Variants in MBD5 observed in about 807,000 individuals in gnomAD.
MBD5 encodes the protein methyl-CpG-binding domain protein 5.
A neutral mutation model predicts 117.3 loss-of-function variants in MBD5; 13 were observed. That is an observed-to-expected ratio of 0.11 (90% CI 0.07 to 0.18). The LOEUF is 0.18. Among genes scored for constraint, MBD5 ranks in the 10% least tolerant of loss-of-function variants. The probability of loss-of-function intolerance (pLI) is 1.00; values close to 1 mark genes in which losing one functional copy is unlikely to be tolerated. For synonymous variants in MBD5, 727 were observed against 766.4 expected, an observed-to-expected ratio of 0.95 and a Z score of 0.85; for missense variants, 1,879 against 2,093.8, an observed-to-expected ratio of 0.90 and a Z score of 2.00.
rs2105636898 is a variant in MBD5, at chr2:148,469,761, A to G, written c.1818A>G (p.Gly606=). 6.2e-7 allele frequency: 1 copy of G among 1,614,020 alleles called. No individual in the cohort carries two copies. Among genetic ancestry groups the G allele is most frequent in the Middle Eastern group, 1.7e-4 (1 of 6,060 alleles). Residue 606 remains glycine (G), a synonymous_variant, in exon 8 of 14, where the codon GGA becomes GGG. Transcript: ENST00000642680. ...ACAGTAGCAGCAGTAGCAATTCTGG[A>G]GCTGTTGCCGGCAGTGGCAACACTG... The part of the protein sequence containing the change: ...GNNSSSSSNS[G]AVAGSGNTEG...
At chr2:148,441,978 T>C (rs1432956338) in intron 4 of MBD5, among the ~76,000 whole-genome samples, 1 of 152,178 alleles carries the variant, frequency 6.6e-6, no homozygotes. Flanking sequence ...GTAAATTTGT[T>C]TGAGTTCATT....
intron 1 of MBD5, among the ~76,000 whole-genome samples, chr2:148,169,096 A>G (rs73009259): frequency 0.053 from 7,996 of 151,960 alleles, 235 homozygotes; most frequent in African/African-American, 0.078. Flanking sequence ...AATTACCCCT[A>G]AAGTTAAAAT....
chr2:148,318,786 G>A (rs761434128), intron 3 of MBD5, among the ~76,000 whole-genome samples: 6 of 152,026 alleles, frequency 3.9e-5, no homozygotes, highest in African/African-American at 4.8e-5. Context: ...GTGCAATTTC[G>A]GCTCACTGCA....
intron 3 of MBD5, among the ~76,000 whole-genome samples, chr2:148,324,533 T>A (rs1702389066): frequency 6.6e-6 from 1 of 152,246 alleles, no homozygotes; most frequent in South Asian, 2.1e-4. Flanking sequence ...TTTGTAGTTC[T>A]TGAAGAGGTC....
intron 4 of MBD5, among the ~76,000 whole-genome samples, chr2:148,366,307 G>T (rs200419890): frequency 2.1e-5 from 1 of 46,896 alleles, no homozygotes; most frequent in Non-Finnish European, 4.6e-5. Context: ...CAATAAACTA[G>T]GTATTGATGG....
rs1706947327 is a variant in MBD5 at position 148,458,312 on chromosome 2, AG to A, written c.-445del. ...AAAGTTTAAAGAATGTGGCCTATAA[AG>A]GCGGGTACCTGGAAATATTAACCGA... On this transcript the variant is annotated 5_prime_UTR_variant, in exon 5 of 14. The change abolishes the stop of an existing upstream ORF in the 5' untranslated region. Coordinates refer to ENST00000642680, the MANE Select transcript of MBD5 (RefSeq NM_001378120.1). 1 of 411,218 alleles carries A rather than the reference AG, an allele frequency of 2.4e-6. No individual in the cohort carries two copies. Among genetic ancestry groups the A allele is most frequent in the Non-Finnish European group, 4.3e-6 (1 of 232,610 alleles). 25.5% of individuals were successfully genotyped at this position (411,218 alleles called of 1,614,324 possible).
chr2:148,400,592 G>A (rs948974920), intron 4 of MBD5, among the ~76,000 whole-genome samples: 7 of 152,008 alleles, frequency 4.6e-5, no homozygotes, highest in Non-Finnish European at 7.4e-5. Flanking sequence ...TTTTTATGTA[G>A]GAATTAAAGA....
chr2:148,163,789 T>C (rs910074801), intron 1 of MBD5, among the ~76,000 whole-genome samples: 2 of 152,124 alleles, frequency 1.3e-5, no homozygotes, highest in Non-Finnish European at 2.9e-5. Context: ...AAATGTTCAT[T>C]TTTTTCATGT....
At chr2:148,214,190 C>T (rs142326656) in intron 2 of MBD5, among the ~76,000 whole-genome samples, 266 of 152,248 alleles carry the variant, frequency 1.7e-3, no homozygotes, top group African/African-American at 5.9e-3. Context: ...ATTTTTTCTG[C>T]AAGAGGCCAG....
At chr2:148,126,725 C>T (rs1696905748) in intron 1 of MBD5, among the ~76,000 whole-genome samples, 1 of 151,992 alleles carries the variant, frequency 6.6e-6, no homozygotes, top group Non-Finnish European at 1.5e-5. Flanking sequence ...TCCCCCCTGG[C>T]TCTTTATTCT....
At chr2:148,360,154 G>A (rs1236712638) in intron 4 of MBD5, among the ~76,000 whole-genome samples, 1 of 152,036 alleles carries the variant, frequency 6.6e-6, no homozygotes, top group African/African-American at 2.4e-5. Flanking sequence ...TAATCAAAAT[G>A]TATTATAAAC....
chr2:148,203,530 A>G (rs1699196547), intron 2 of MBD5, among the ~76,000 whole-genome samples: 1 of 152,300 alleles, frequency 6.6e-6, no homozygotes, highest in African/African-American at 2.4e-5. Flanking sequence ...ATGACAGAAT[A>G]TAATGGTTTT....
intron 9 of MBD5, 129 bp from the exon 10 acceptor site, chr2:148,485,613 A>G (rs896798315): frequency 2.8e-6 from 2 of 719,236 alleles, no homozygotes; most frequent in Admixed American, 4.4e-5. Flanking sequence ...TTTGAGAAGT[A>G]AAAAAGAAAA....
At chr2:148,395,889 C>T (rs887240695) in intron 4 of MBD5, among the ~76,000 whole-genome samples, 3 of 152,126 alleles carry the variant, frequency 2.0e-5, no homozygotes, top group South Asian at 2.1e-4. Context: ...GAACAGGCTC[C>T]GGCAATCTCT....
chr2:148,102,698 G>T (rs1054073884), intron 1 of MBD5, among the ~76,000 whole-genome samples: 1 of 113,030 alleles, frequency 8.8e-6, no homozygotes, highest in Non-Finnish European at 1.8e-5. Flanking sequence ...GAGAGAGAGA[G>T]ATCACACACA....
chr2:148,155,081 A>C (rs954403049), intron 1 of MBD5, among the ~76,000 whole-genome samples: 2 of 152,254 alleles, frequency 1.3e-5, no homozygotes, highest in African/African-American at 4.8e-5. Flanking sequence ...AGACAAAGCA[A>C]ATAATTAAAA....
chr2:148,444,752 C>T lies in MBD5; in HGVS notation c.-556-13451C>T, dbSNP rs183716114. 1.1e-4 allele frequency among the ~76,000 whole-genome samples: 17 copies of T among 151,026 alleles called. 1 individual carries two copies. The highest frequency in any genetic ancestry group is 5.8e-4 in the East Asian group (3 of 5,174). On this transcript the variant is annotated intron_variant, in intron 4 of 13. Coordinates refer to ENST00000642680, the MANE Select transcript of MBD5 (RefSeq NM_001378120.1). ...ACTCTCTCTTCAAGCTTAATTAGCA[C>T]GCCATACTTAGCCCTATCATAACAA...
chr2:148,448,973 A>G (rs1164429320), intron 4 of MBD5, among the ~76,000 whole-genome samples: 1 of 152,074 alleles, frequency 6.6e-6, no homozygotes, highest in African/African-American at 2.4e-5. Flanking sequence ...ATTACAGAAA[A>G]GCAAAAAATA....
intron 12 of MBD5, among the ~76,000 whole-genome samples, chr2:148,504,220 A>C (rs1190596619): frequency 6.6e-6 from 1 of 152,256 alleles, no homozygotes; most frequent in East Asian, 1.9e-4. Flanking sequence ...TTGGAGAAGT[A>C]AAAGTAGAAA....
Sources: allele counts gnomAD v4.1 joint callset (sites outside exome capture counted in the v4.1 genomes callset), GRCh38; gene constraint gnomAD v4.1.1; transcripts MANE v1.5; gene names NCBI Gene and HGNC (gene_info 2026-07-23, HGNC 2026-07-21).